Variants in ITGB8 observed in about 807,000 individuals in gnomAD.
ITGB8 encodes integrin subunit beta 8, also known as integrin beta-8.
A neutral mutation model predicts 89.5 loss-of-function variants in ITGB8; 30 were observed. That is an observed-to-expected ratio of 0.34 (90% CI 0.25 to 0.45). The LOEUF (loss-of-function observed/expected upper bound fraction) is 0.45, where lower values mean the gene tolerates loss of function less well. Among genes scored for constraint, ITGB8 ranks in the 20% least tolerant of loss-of-function variants. The pLI is 1.00. For missense variants in ITGB8, 836 were observed against 933.3 expected (o/e 0.90, Z 1.36); for synonymous variants, 335 against 320.4 (o/e 1.05, Z -0.49).
chr7:20,379,186 G>T lies in ITGB8; in HGVS notation c.524G>T (p.Arg175Ile), dbSNP rs1229651452. 1 of 1,612,380 alleles carries T rather than the reference G, an allele frequency of 6.2e-7. No individual in the cohort carries two copies. The highest frequency in any genetic ancestry group is 2.2e-5 in the East Asian group (1 of 44,722). The part of the protein sequence containing the change: ...KLNSVGNDLS[R>I]KMAFFSRDFR... ...AATTCCGTTGGAAACGATTTATCTA[G>T]AAAAATGGCATTTTTCTCCCGTGAC... The change falls in exon 4 of 14, where the codon AGA becomes ATA. Residue 175 changes from arginine (R) to isoleucine (I), a missense_variant. Physicochemically the swap from Arg to Ile is moderately conservative, Grantham distance 97. Transcript: ENST00000222573.
chr7:20,347,171 G>A (rs908482516), intron 1 of ITGB8, among the ~76,000 whole-genome samples: 2 of 152,280 alleles, frequency 1.3e-5, no homozygotes, highest in South Asian at 4.2e-4. Flanking sequence ...CCAAAACTGC[G>A]AGAAATAAAT....
rs201576384 is a variant in ITGB8 at position 20,342,678 on chromosome 7, A to AT, written c.127+10758dup. Among the ~76,000 whole-genome samples the AT allele has an allele frequency of 6.7e-3, 972 of 144,874 alleles. 4 individuals carry two copies. Among genetic ancestry groups the AT allele is most frequent in the African/African-American group, 0.017 (658 of 39,608 alleles). On this transcript the variant is annotated intron_variant, in intron 1 of 13. Coordinates refer to ENST00000222573, the MANE Select transcript of ITGB8 (RefSeq NM_002214.3). Reference sequence around the variant, plus strand: ...ACATTTGGCAAAAGATTTTTCATTCATTTTTTTTTTTTTGGAATTATTGGT... The same window carrying AT: ...ACATTTGGCAAAAGATTTTTCATTCATTTTTTTTTTTTTTGGAATTATTGGT...
At chr7:20,367,940 C>T (rs535078869) in intron 3 of ITGB8, among the ~76,000 whole-genome samples, 4 of 152,308 alleles carry the variant, frequency 2.6e-5, no homozygotes, top group African/African-American at 9.6e-5. Flanking sequence ...CACAGATGCG[C>T]ACCACTCAAT....
chr7:20,352,148 A>AAGTTAG (rs1291494155), intron 1 of ITGB8, among the ~76,000 whole-genome samples: 4 of 152,246 alleles, frequency 2.6e-5, no homozygotes, highest in African/African-American at 9.6e-5. Flanking sequence ...ATGCAGCTTT[A>AAGTTAG]ACCAGAATTT....
chr7:20,371,751 T>C (rs1398822301), intron 3 of ITGB8, among the ~76,000 whole-genome samples: 1 of 152,238 alleles, frequency 6.6e-6, no homozygotes, highest in African/African-American at 2.4e-5. Flanking sequence ...ATTATGCATG[T>C]ATCTTTGTAT....
At chr7:20,351,846 A>T (rs1785123505) in intron 1 of ITGB8, among the ~76,000 whole-genome samples, 1 of 151,470 alleles carries the variant, frequency 6.6e-6, no homozygotes, top group African/African-American at 2.4e-5. Flanking sequence ...TAACCTCCTT[A>T]ACCATGGCAT....
At chr7:20,408,347 CT>C (rs1363381327) in intron 12 of ITGB8, among the ~76,000 whole-genome samples, 1 of 148,802 alleles carries the variant, frequency 6.7e-6, no homozygotes, top group Non-Finnish European at 1.5e-5. Context: ...CTGGGATAGC[CT>C]TTGACCTTTC....
upstream of ITGB8, among the ~76,000 whole-genome samples, chr7:20,329,973 C>T (rs1461300753): frequency 6.6e-6 from 1 of 152,160 alleles, no homozygotes; most frequent in Non-Finnish European, 1.5e-5. Flanking sequence ...TGCAAGCAGG[C>T]AGAAGTGCCT....
rs909798360 is a variant in ITGB8, at chr7:20,415,297, G to T, written c.*5300G>T. ...TGAACTTCTGAAAAAAATTAGAAATGTATTAAACTTATCAGTAACATAAAA... is the reference window on the plus strand; with the variant it reads ...TGAACTTCTGAAAAAAATTAGAAATTTATTAAACTTATCAGTAACATAAAA... On this transcript the variant is annotated 3_prime_UTR_variant, in exon 14 of 14. Transcript: ENST00000222573. 6 of 151,690 alleles carry T rather than the reference G, an allele frequency of 4.0e-5. No homozygotes were observed. The highest frequency in any genetic ancestry group is 8.8e-5 in the Non-Finnish European group (6 of 67,836). The allele number at this position is 151,690 out of a possible 1,614,324, so 9.4% of individuals were successfully genotyped here. A position where few individuals can be genotyped will look rare whatever the true frequency, so the allele number is the denominator to read the frequency against.
chr7:20,397,908 C>A (rs1308718677), intron 8 of ITGB8, among the ~76,000 whole-genome samples: 1 of 152,058 alleles, frequency 6.6e-6, no homozygotes, highest in Non-Finnish European at 1.5e-5. Flanking sequence ...CTTTTCATAA[C>A]CCGCTGCTCA....
intron 9 of ITGB8, among the ~76,000 whole-genome samples, chr7:20,401,403 T>C (rs1482273261): frequency 6.6e-6 from 1 of 152,214 alleles, no homozygotes; most frequent in Non-Finnish European, 1.5e-5. Context: ...GCCTATTCTT[T>C]CTCATGTTTG....
chr7:20,345,080 G>A (rs1784878578), intron 1 of ITGB8, among the ~76,000 whole-genome samples: 1 of 152,166 alleles, frequency 6.6e-6, no homozygotes, highest in Non-Finnish European at 1.5e-5. Flanking sequence ...TACTGGAGAA[G>A]GAGGTATGAT....
intron 1 of ITGB8, among the ~76,000 whole-genome samples, chr7:20,339,325 C>T (rs948071308): frequency 2.0e-5 from 3 of 151,910 alleles, no homozygotes; most frequent in Non-Finnish European, 2.9e-5. Flanking sequence ...AAAAGCAGTG[C>T]CATACTATAT....
chr7:20,402,041 C>G lies in ITGB8; in HGVS notation c.1602C>G (p.His534Gln), dbSNP rs139989805. Residue 534 changes from histidine to glutamine, a missense_variant, in exon 10 of 14, where the codon CAC becomes CAG. By Grantham distance (24) the His-to-Gln change is conservative (BLOSUM62 0). Coordinates refer to ENST00000222573, the MANE Select transcript of ITGB8 (RefSeq NM_002214.3). ...GTGTTTGTGGGAAATGTTCATGTCA[C>G]AAAATTAAGCTTGGAAAAGTGTATG... ...GVCVCGKCSC[H>Q]KIKLGKVYGK... 149 of 1,614,084 alleles carry G rather than the reference C, an allele frequency of 9.2e-5. No homozygotes were observed. The African/African-American group carries it at 1.9e-3, about 20-fold the overall frequency.
chr7:20,344,122 T>C (rs1443638251), intron 1 of ITGB8, among the ~76,000 whole-genome samples: 1 of 151,942 alleles, frequency 6.6e-6, no homozygotes, highest in African/African-American at 2.4e-5. Context: ...TGAGGAACTG[T>C]GTGGGCATAC....
chr7:20,379,371 G>T (rs913914626), intron 4 of ITGB8, 74 bp downstream of exon 4: 2 of 966,348 alleles, frequency 2.1e-6, no homozygotes, highest in Non-Finnish European at 2.9e-6. Flanking sequence ...TTAATGTAAA[G>T]AACTTACCAA....
rs906645281 is a variant in ITGB8 at position 20,414,741 on chromosome 7, T to G, written c.*4744T>G. 6.6e-6 allele frequency: 1 copy of G among 152,614 alleles called. No homozygotes were observed. The highest frequency in any genetic ancestry group is 1.5e-5 in the Non-Finnish European group (1 of 68,000). The allele number at this position is 152,614 out of a possible 1,614,324, so 9.5% of individuals were successfully genotyped here. On this transcript the variant is annotated 3_prime_UTR_variant, in exon 14 of 14. Coordinates refer to ENST00000222573, the MANE Select transcript of ITGB8 (RefSeq NM_002214.3). ...AAACTGCATATTTAAATTATTTGAA[T>G]TATATGAAATAATTGTTCAGCTATC...
chr7:20,333,527 G>C (rs960836054), intron 1 of ITGB8, among the ~76,000 whole-genome samples: 1 of 152,112 alleles, frequency 6.6e-6, no homozygotes, highest in African/African-American at 2.4e-5. Flanking sequence ...CAACGTACAG[G>C]CAAAGGAAAA....
chr7:20,390,744 T>C (rs1351625035), intron 6 of ITGB8, among the ~76,000 whole-genome samples: 3 of 152,140 alleles, frequency 2.0e-5, no homozygotes, highest in Admixed American at 2.0e-4. Flanking sequence ...ACTATTATTA[T>C]CTTTTTAATC....
Sources: allele counts gnomAD v4.1 joint callset (sites outside exome capture counted in the v4.1 genomes callset), GRCh38; gene constraint gnomAD v4.1.1; transcripts MANE v1.5; gene names NCBI Gene and HGNC (gene_info 2026-07-23, HGNC 2026-07-21).